Variants in ACKR3 observed in about 807,000 individuals in gnomAD.
ACKR3 encodes atypical chemokine receptor 3.
In ACKR3, 6 loss-of-function variants were observed where a neutral mutation model predicts 22.4. The ratio of observed to expected loss-of-function variants is 0.27; its 90% CI spans 0.15 to 0.53. The LOEUF is 0.53. ACKR3 is among the 20% of genes least tolerant of loss of function. The pLI is 0.96. For synonymous variants in ACKR3, 209 were observed against 205.2 expected (o/e 1.02, Z -0.16); for missense variants, 396 against 475.2 (o/e 0.83, Z 1.55).
At chr2:236,541,099 G>A in the ACKR3 span, among the ~76,000 whole-genome samples, 5 of 152,084 alleles carry the variant, frequency 3.3e-5, no homozygotes, top group African/African-American at 1.2e-4. Flanking sequence ...GCATTGACTG[G>A]CTATCCTTAC....
At chr2:236,545,374 C>T in the ACKR3 span, among the ~76,000 whole-genome samples, 1 of 152,200 alleles carries the variant, frequency 6.6e-6, no homozygotes, top group Non-Finnish European at 1.5e-5. The surrounding 1 kb of genome is among the most constrained non-coding windows in gnomAD (Gnocchi z 5.3). Context: ...AACACCCAGG[C>T]TTTCCGCTTC....
the ACKR3 span, among the ~76,000 whole-genome samples, chr2:236,542,859 C>G: frequency 1.1e-4 from 16 of 152,236 alleles, no homozygotes; most frequent in East Asian, 5.8e-4. Flanking sequence ...TCTTATAATC[C>G]TATTTACACA....
At chr2:236,558,036 G>T in the ACKR3 span, among the ~76,000 whole-genome samples, 1 of 152,190 alleles carries the variant, frequency 6.6e-6, no homozygotes, top group Admixed American at 6.5e-5. Flanking sequence ...GCAACTAAAG[G>T]CACCACGTGA....
chr2:236,578,828 T>C (rs1691464870), intron 1 of ACKR3, among the ~76,000 whole-genome samples: 1 of 152,212 alleles, frequency 6.6e-6, no homozygotes, highest in Non-Finnish European at 1.5e-5. Context: ...AGAGCCAGGT[T>C]TCCAGGGGAA....
the ACKR3 span, among the ~76,000 whole-genome samples, chr2:236,541,646 G>A: frequency 6.6e-6 from 1 of 152,168 alleles, no homozygotes; most frequent in African/African-American, 2.4e-5. Flanking sequence ...CTTAACGCCT[G>A]TATAGTGGGT....
the ACKR3 span, among the ~76,000 whole-genome samples, chr2:236,543,296 G>A: frequency 1.3e-5 from 2 of 152,252 alleles, no homozygotes; most frequent in Admixed American, 6.5e-5. Context: ...TGGGGCTCAC[G>A]TTTTGTGGAC....
upstream of ACKR3, among the ~76,000 whole-genome samples, chr2:236,564,592 GTTT>G (rs532204731): frequency 1.6e-4 from 21 of 129,310 alleles, no homozygotes; most frequent in African/African-American, 5.2e-4. Flanking sequence ...TTCCTTCCTA[GTTT>G]TTTTTTTTTT....
the ACKR3 span, among the ~76,000 whole-genome samples, chr2:236,554,809 C>T: frequency 1.3e-5 from 2 of 152,210 alleles, no homozygotes; most frequent in Admixed American, 6.5e-5. Context: ...CTGGCACCCT[C>T]TCCTGTCAAG....
Position 236,580,769 on chromosome 2 carries a change from G to T in ACKR3, c.304G>T (p.Val102Phe). 1 of 1,614,218 alleles carries T rather than the reference G, an allele frequency of 6.2e-7. No homozygotes were observed. Among genetic ancestry groups the T allele is most frequent in the Admixed American group, 1.7e-5 (1 of 60,028 alleles). The change falls in exon 2 of 2, where the codon GTC becomes TTC. Residue 102 changes from valine to phenylalanine, a missense_variant. Val to Phe is a conservative substitution (Grantham distance 50). Transcript: ENST00000272928. ...WVVLTIPVWV[V>F]SLVQHNQWPM... ...TGTCCTCACCATCCCAGTCTGGGTGGTCAGTCTCGTGCAGCACAACCAGTG... is the reference window on the plus strand; with the variant it reads ...TGTCCTCACCATCCCAGTCTGGGTGTTCAGTCTCGTGCAGCACAACCAGTG...
At position 236,569,866 on chromosome 2, in the gene ACKR3, C is replaced by CAGCACAGCCAGGAAGGCGAGCG. The variant is rs1446994568; in HGVS notation, c.-81_-60dup. 1.3e-5 allele frequency: 2 copies of CAGCACAGCCAGGAAGGCGAGCG among 152,632 alleles called. No individual in the cohort carries two copies. Among genetic ancestry groups the CAGCACAGCCAGGAAGGCGAGCG allele is most frequent in the African/African-American group, 4.8e-5 (2 of 41,420 alleles). 9.5% of individuals were successfully genotyped at this position (152,632 alleles called of 1,614,324 possible). On this transcript the variant is annotated 5_prime_UTR_variant, in exon 1 of 2. Coordinates refer to ENST00000272928, the MANE Select transcript of ACKR3 (RefSeq NM_020311.3). The stretch of plus-strand genomic sequence containing the variant: ...GCTCAGCACTAAGGGAGCCAGCGCA[C>CAGCACAGCCAGGAAGGCGAGCG]AGCACAGCCAGGAAGGCGAGCGAGC...
chr2:236,560,248 C>T, the ACKR3 span, among the ~76,000 whole-genome samples: 1 of 149,954 alleles, frequency 6.7e-6, no homozygotes, highest in Non-Finnish European at 1.5e-5. Context: ...GTGGCTGCAC[C>T]ATTTTGCACC....
chr2:236,562,863 C>G (rs573989050), upstream of ACKR3, among the ~76,000 whole-genome samples: 1 of 152,004 alleles, frequency 6.6e-6, no homozygotes, highest in Non-Finnish European at 1.5e-5. Context: ...TGGTCTGCAA[C>G]GGAAATTTAA....
chr2:236,558,898 A>G, the ACKR3 span, among the ~76,000 whole-genome samples: 2 of 152,258 alleles, frequency 1.3e-5, no homozygotes, highest in African/African-American at 4.8e-5. Context: ...CAACCCAAAT[A>G]ATTGTAGTAG....
upstream of ACKR3, among the ~76,000 whole-genome samples, chr2:236,564,716 T>C (rs1246672608): frequency 6.6e-6 from 1 of 152,006 alleles, no homozygotes; most frequent in East Asian, 1.9e-4. Flanking sequence ...CCCTCTGCTA[T>C]AGGTTTCTAC....
At chr2:236,545,444 C>T in the ACKR3 span, among the ~76,000 whole-genome samples, 25 of 152,204 alleles carry the variant, frequency 1.6e-4, no homozygotes, top group Non-Finnish European at 3.2e-4. This position sits in a 1 kb window ranked among gnomAD's most constrained non-coding sequence, Gnocchi z 5.3. Context: ...ACATTTCTTC[C>T]GCATTTGTGC....
chr2:236,551,633 C>G, the ACKR3 span, among the ~76,000 whole-genome samples: 1 of 152,228 alleles, frequency 6.6e-6, no homozygotes, highest in Non-Finnish European at 1.5e-5. Context: ...CCCTTTCCCC[C>G]TCTGGTCTAG....
chr2:236,577,433 T>C lies in ACKR3; in HGVS notation c.-26-3007T>C, dbSNP rs1691433320. ...GGCTGGATGGGGGTCCCTGAGCCCT[T>C]TTCCACCTCTCAGTCCCACTCTGGG... On this transcript the variant is annotated intron_variant, in intron 1 of 1. Coordinates refer to ENST00000272928, the MANE Select transcript of ACKR3 (RefSeq NM_020311.3). The surrounding 1 kb of genome is among the most constrained non-coding windows in gnomAD (Gnocchi z 5.6). Among the ~76,000 whole-genome samples the C allele has an allele frequency of 6.6e-6, 1 of 152,154 alleles. No individual in the cohort carries two copies. Among genetic ancestry groups the C allele is most frequent in the African/African-American group, 2.4e-5 (1 of 41,446 alleles).
At chr2:236,572,005 A>G (rs1202961895) in intron 1 of ACKR3, among the ~76,000 whole-genome samples, 2 of 152,218 alleles carry the variant, frequency 1.3e-5, no homozygotes, top group Non-Finnish European at 2.9e-5. Context: ...TTCAGGAAGA[A>G]ACTAAAGATC....
rs571185597 is a variant in ACKR3 at position 236,574,763 on chromosome 2, A to T, written c.-27+4839A>T. Among the ~76,000 whole-genome samples the T allele has an allele frequency of 1.1e-4, 16 of 152,310 alleles. No homozygotes were observed. The South Asian group carries it at 3.3e-3, about 32-fold the overall frequency. On this transcript the variant is annotated intron_variant, in intron 1 of 1. Coordinates refer to ENST00000272928, the MANE Select transcript of ACKR3 (RefSeq NM_020311.3). This position sits in a 1 kb window ranked among gnomAD's most constrained non-coding sequence, Gnocchi z 5.6. ...CTAAATACCCCAGGCTGCTTGCTGC[A>T]GCACGGTCGTTGTCAAGGATACTTG...
Sources: allele counts gnomAD v4.1 joint callset (sites outside exome capture counted in the v4.1 genomes callset), GRCh38; gene constraint gnomAD v4.1.1; non-coding constraint Gnocchi (gnomAD v3.1); transcripts MANE v1.5; gene names NCBI Gene and HGNC (gene_info 2026-07-23, HGNC 2026-07-21).